The following CDH18 variants were observed in gnomAD, a reference collection of about 807,000 sequenced individuals.
CDH18 encodes the protein cadherin 18, also known as cadherin-18.
Under a neutral mutation model 67.9 loss-of-function variants are expected in CDH18, and 31 were observed. The ratio of observed to expected loss-of-function variants is 0.46; its 90% CI spans 0.34 to 0.62. The LOEUF (loss-of-function observed/expected upper bound fraction) is 0.62, where lower values mean the gene tolerates loss of function less well. Ranked by LOEUF, CDH18 falls within the 20% of genes least tolerant of loss-of-function variation. CDH18 has a pLI of 0.01. For synonymous variants in CDH18, 362 were observed against 347.2 expected (o/e 1.04, Z -0.48); for missense variants, 890 against 975.5 (o/e 0.91, Z 1.17).
Position 19,690,446 on chromosome 5 carries a change from A to G in CDH18, c.643+30901T>C, listed in dbSNP as rs940841545. On this transcript the variant is annotated intron_variant, in intron 5 of 12. Coordinates refer to ENST00000382275, the MANE Select transcript of CDH18 (RefSeq NM_004934.5). ...ACTTAATATAAGGATAGAAATAATA[A>G]AGACCAGAGAAGAATGAAATGTAAT... 4.0e-5 allele frequency among the ~76,000 whole-genome samples: 6 copies of G among 151,654 alleles called. No homozygotes were observed. The South Asian group carries it at 1.2e-3, about 31-fold the overall frequency.
chr5:20,402,358 C>A (rs1034974532), intron 1 of CDH18, among the ~76,000 whole-genome samples: 1 of 152,106 alleles, frequency 6.6e-6, no homozygotes, highest in Non-Finnish European at 1.5e-5. Flanking sequence ...TGGAAAAAGG[C>A]CTGACATCAT....
At chr5:20,311,571 C>T (rs1159619222) in intron 1 of CDH18, among the ~76,000 whole-genome samples, 2 of 152,078 alleles carry the variant, frequency 1.3e-5, no homozygotes, top group African/African-American at 2.4e-5. Context: ...CACATGTTCT[C>T]GCTCATAAGT....
intron 1 of CDH18, among the ~76,000 whole-genome samples, chr5:20,390,493 T>G (rs1744748587): frequency 6.6e-6 from 1 of 152,068 alleles, no homozygotes. Context: ...AAACAACAGG[T>G]GCTGGAGAGG....
At chr5:20,393,307 T>G (rs976384084) in intron 1 of CDH18, among the ~76,000 whole-genome samples, 2 of 151,988 alleles carry the variant, frequency 1.3e-5, no homozygotes, top group African/African-American at 2.4e-5. Flanking sequence ...TTTATACACA[T>G]TTGTATCACA....
intron 2 of CDH18, among the ~76,000 whole-genome samples, chr5:20,117,022 T>TGTGTGA (rs201210007): frequency 0.01 from 1,484 of 143,934 alleles, 25 homozygotes; most frequent in African/African-American, 0.039. Context: ...TGTGTGTGTG[T>TGTGTGA]GTGTGTGAGT....
intron 2 of CDH18, among the ~76,000 whole-genome samples, chr5:20,084,312 A>C (rs1744751817): frequency 1.3e-5 from 2 of 152,198 alleles, no homozygotes; most frequent in Admixed American, 1.3e-4. Context: ...TCCATGCCTC[A>C]CATCCAGGTC....
chr5:20,475,877 G>T (rs1752404823), intron 1 of CDH18, among the ~76,000 whole-genome samples: 1 of 152,158 alleles, frequency 6.6e-6, no homozygotes, highest in African/African-American at 2.4e-5. Context: ...AAAATGGAAA[G>T]GTTTGGATTG....
At chr5:19,803,148 A>G (rs1777646712) in intron 3 of CDH18, among the ~76,000 whole-genome samples, 1 of 152,242 alleles carries the variant, frequency 6.6e-6, no homozygotes, top group South Asian at 2.1e-4. Context: ...TCGCACATTT[A>G]TAAATACAGT....
chr5:19,599,888 A>G (rs960174936), intron 6 of CDH18, among the ~76,000 whole-genome samples: 4 of 152,258 alleles, frequency 2.6e-5, no homozygotes, highest in African/African-American at 7.2e-5. Flanking sequence ...CTGTGTCTCA[A>G]TAAAAACAAG....
At chr5:20,436,935 T>C (rs1749211308) in intron 1 of CDH18, among the ~76,000 whole-genome samples, 1 of 151,628 alleles carries the variant, frequency 6.6e-6, no homozygotes, top group African/African-American at 2.4e-5. Flanking sequence ...ATAACTCCAG[T>C]GAATTCTAAT....
At chr5:20,385,532 T>C (rs1295430234) in intron 1 of CDH18, among the ~76,000 whole-genome samples, 1 of 152,176 alleles carries the variant, frequency 6.6e-6, no homozygotes, top group Non-Finnish European at 1.5e-5. Flanking sequence ...TGTCACAGAA[T>C]TTGCAACCAA....
intron 1 of CDH18, among the ~76,000 whole-genome samples, chr5:20,368,034 A>G (rs903136883): frequency 6.6e-6 from 1 of 152,152 alleles, no homozygotes; most frequent in Admixed American, 6.5e-5. Flanking sequence ...ATGTGGTTCC[A>G]CTGTGCAAAA....
chr5:19,583,318 G>T (rs1212530226), intron 7 of CDH18, among the ~76,000 whole-genome samples: 2 of 152,058 alleles, frequency 1.3e-5, no homozygotes, highest in Admixed American at 6.6e-5. Flanking sequence ...ATTTTGATAA[G>T]TGAAACCAAA....
intron 11 of CDH18, among the ~76,000 whole-genome samples, chr5:19,497,146 C>A (rs770294): frequency 6.6e-6 from 1 of 151,502 alleles, no homozygotes. Flanking sequence ...AAAAAAAAGG[C>A]AAACAAACAA....
At chr5:19,731,429 T>C (rs1272357592) in intron 4 of CDH18, among the ~76,000 whole-genome samples, 1 of 151,984 alleles carries the variant, frequency 6.6e-6, no homozygotes, top group Non-Finnish European at 1.5e-5. Context: ...CCAGCCTGGG[T>C]GACAGAGTGA....
chr5:20,361,326 T>C (rs545293245), intron 1 of CDH18, among the ~76,000 whole-genome samples: 2 of 152,158 alleles, frequency 1.3e-5, no homozygotes, highest in South Asian at 4.1e-4. Flanking sequence ...AATTAGCTAT[T>C]AAACAGTGAT....
In CDH18 at chr5:20,481,207, C is replaced by CAAAA. The variant is rs541111689; in HGVS notation, c.-580+94251_-580+94254dup. On this transcript the variant is annotated intron_variant, in intron 1 of 14. Transcript: ENST00000507958. ...AGCTAATTCAGACAACTTTTTAAGCCAAAAAAAAAAAACATAAAAAGAGAC... is the reference window on the plus strand; with the variant it reads ...AGCTAATTCAGACAACTTTTTAAGCCAAAAAAAAAAAAAAAACATAAAAAGAGAC... Among the ~76,000 whole-genome samples, 705 of 128,740 alleles carry CAAAA rather than the reference C, an allele frequency of 5.5e-3. 3 individuals carry two copies. The highest frequency in any genetic ancestry group is 0.018 in the African/African-American group (657 of 36,636). 84.5% of individuals were successfully genotyped at this position (128,740 alleles called of 152,430 possible).
At chr5:19,846,385 T>C (rs1481905271) in intron 2 of CDH18, among the ~76,000 whole-genome samples, 1 of 152,184 alleles carries the variant, frequency 6.6e-6, no homozygotes, top group Non-Finnish European at 1.5e-5. Context: ...TTTTATACTT[T>C]TGTCTTTTAC....
intron 2 of CDH18, among the ~76,000 whole-genome samples, chr5:20,242,123 C>T (rs374285559): frequency 2.0e-5 from 3 of 151,260 alleles, no homozygotes; most frequent in African/African-American, 7.3e-5. Flanking sequence ...TATAACTTTA[C>T]AATGGAAATA....
Sources: gnomAD v4.1 joint callset for allele counts (sites outside exome capture counted in the v4.1 genomes callset) on GRCh38, gnomAD v4.1.1 for gene constraint, MANE v1.5 for transcripts, NCBI Gene and HGNC (gene_info 2026-07-23, HGNC 2026-07-21) for gene names.